Variants in ST6GALNAC3 observed in about 807,000 individuals in gnomAD.
ST6GALNAC3 encodes the protein ST6 N-acetylgalactosaminide alpha-2,6-sialyltransferase 3.
A neutral mutation model predicts 32.7 loss-of-function variants in ST6GALNAC3; 25 were observed. The ratio of observed to expected loss-of-function variants is 0.76; its 90% CI spans 0.56 to 1.07. The LOEUF is 1.07. Among genes scored for constraint, ST6GALNAC3 ranks in the 50% least tolerant of loss-of-function variants. ST6GALNAC3 has a pLI of 0.00. For synonymous variants in ST6GALNAC3, 129 were observed against 133.1 expected (o/e 0.97, Z 0.21); for missense variants, 355 against 382.4 (o/e 0.93, Z 0.60).
At chr1:76,260,025 A>G (rs1024164762) in intron 1 of ST6GALNAC3, among the ~76,000 whole-genome samples, 8 of 151,904 alleles carry the variant, frequency 5.3e-5, no homozygotes, top group African/African-American at 1.9e-4. Flanking sequence ...TGACTGAAGC[A>G]TGGAATAACT....
chr1:76,454,437 G>A (rs1657624910), intron 3 of ST6GALNAC3, among the ~76,000 whole-genome samples: 1 of 152,106 alleles, frequency 6.6e-6, no homozygotes, highest in African/African-American at 2.4e-5. Flanking sequence ...TTTGTTTCAA[G>A]ATTTGGAGCT....
intron 2 of ST6GALNAC3, among the ~76,000 whole-genome samples, chr1:76,345,338 C>T (rs1201067476): frequency 2.6e-5 from 4 of 151,958 alleles, no homozygotes; most frequent in African/African-American, 7.3e-5. Context: ...GAAATCAAGG[C>T]TGCAGAAGAG....
chr1:76,283,811 A>G (rs1659628881), intron 1 of ST6GALNAC3, among the ~76,000 whole-genome samples: 1 of 152,186 alleles, frequency 6.6e-6, no homozygotes, highest in Non-Finnish European at 1.5e-5. Context: ...GTGCCCCTCA[A>G]GTTGAACCTC....
intron 3 of ST6GALNAC3, among the ~76,000 whole-genome samples, chr1:76,468,128 C>A (rs1410508343): frequency 1.3e-5 from 2 of 151,814 alleles, no homozygotes; most frequent in African/African-American, 4.8e-5. Context: ...CATCCCCCTA[C>A]CTTTCAATTC....
chr1:76,453,609 T>G (rs926658771), intron 3 of ST6GALNAC3, among the ~76,000 whole-genome samples: 9 of 152,182 alleles, frequency 5.9e-5, no homozygotes, highest in African/African-American at 2.2e-4. Flanking sequence ...TTCGAGTTGA[T>G]TTCCAGTTTT....
At chr1:76,440,851 G>A (rs1395037392) in intron 3 of ST6GALNAC3, among the ~76,000 whole-genome samples, 5 of 152,080 alleles carry the variant, frequency 3.3e-5, no homozygotes, top group South Asian at 2.1e-4. Flanking sequence ...ATTTTGGGAG[G>A]CCAAGGTGTG....
rs532554817 is a variant in ST6GALNAC3, at chr1:76,435,247, G to A, written c.623+22830G>A. On this transcript the variant is annotated intron_variant, in intron 3 of 4. Coordinates refer to ENST00000328299, the MANE Select transcript of ST6GALNAC3 (RefSeq NM_152996.4). ...ATATTTTAAAATATACAACAAAGAG[G>A]TGACTATGGAATCTAAAATCAATTT... Among the ~76,000 whole-genome samples, 4 of 152,198 alleles carry A rather than the reference G, an allele frequency of 2.6e-5. No individual in the cohort carries two copies. In the East Asian group the frequency reaches 7.8e-4, roughly 30 times the overall value.
At chr1:76,411,903 C>A in intron 2 of ST6GALNAC3, 105 bp from the exon 3 acceptor site, 1 of 1,243,042 alleles carries the variant, frequency 8.0e-7, no homozygotes, top group Non-Finnish European at 1.1e-6. Context: ...AGAGATATTT[C>A]CATATTTGGT....
chr1:76,277,753 A>G (rs1659254947), intron 1 of ST6GALNAC3, among the ~76,000 whole-genome samples: 4 of 152,088 alleles, frequency 2.6e-5, no homozygotes, highest in Admixed American at 2.6e-4. Flanking sequence ...TCTCAGCATC[A>G]TTTACGTTTC....
chr1:76,265,667 T>A (rs1369601819), intron 1 of ST6GALNAC3, among the ~76,000 whole-genome samples: 2 of 152,240 alleles, frequency 1.3e-5, no homozygotes, highest in African/African-American at 4.8e-5. Flanking sequence ...ATTGACTGCG[T>A]AACCTTGTTT....
At chr1:76,326,373 A>G (rs979306868) in intron 2 of ST6GALNAC3, among the ~76,000 whole-genome samples, 4 of 152,186 alleles carry the variant, frequency 2.6e-5, no homozygotes, top group Non-Finnish European at 4.4e-5. Context: ...GTCAAGTTAC[A>G]TGGGCAAGTC....
chr1:76,449,984 C>A (rs892975025), intron 3 of ST6GALNAC3, among the ~76,000 whole-genome samples: 5 of 152,124 alleles, frequency 3.3e-5, no homozygotes, highest in Admixed American at 1.3e-4. Context: ...GATTGATGGG[C>A]ATTTGGGCAG....
intron 3 of ST6GALNAC3, among the ~76,000 whole-genome samples, chr1:76,492,907 T>A (rs1460125610): frequency 6.6e-6 from 1 of 152,116 alleles, no homozygotes; most frequent in Non-Finnish European, 1.5e-5. Flanking sequence ...AGTAAAGAGG[T>A]CATCTTCTGG....
intron 1 of ST6GALNAC3, among the ~76,000 whole-genome samples, chr1:76,242,619 C>T (rs181403351): frequency 6.2e-4 from 95 of 152,182 alleles, no homozygotes; most frequent in African/African-American, 2.2e-3. Flanking sequence ...CCTCACCCTG[C>T]AACAGGCCCT....
In ST6GALNAC3 at chr1:76,629,834, G is replaced by A. The variant is rs1217869326; in HGVS notation, c.*1028G>A. 2.0e-6 allele frequency: 2 copies of A among 979,634 alleles called. No homozygotes were observed. The highest frequency in any genetic ancestry group is 2.3e-4 in the East Asian group (2 of 8,792). 60.7% of individuals were successfully genotyped at this position (979,634 alleles called of 1,614,324 possible). On this transcript the variant is annotated 3_prime_UTR_variant, in exon 5 of 5. Coordinates refer to ENST00000328299, the MANE Select transcript of ST6GALNAC3 (RefSeq NM_152996.4). ...AATTTCTATTTTATAGGCCCAAGGT[G>A]TGTTTCTCCAAACATTACATTCTCA...
intron 3 of ST6GALNAC3, among the ~76,000 whole-genome samples, chr1:76,601,176 C>A (rs761312815): frequency 3.3e-5 from 5 of 151,508 alleles, no homozygotes; most frequent in Non-Finnish European, 7.4e-5. Context: ...CCAGTCAGGG[C>A]TATAGAGCAA....
At chr1:76,297,796 T>C (rs776065170) in intron 1 of ST6GALNAC3, among the ~76,000 whole-genome samples, 15 of 152,056 alleles carry the variant, frequency 9.9e-5, no homozygotes, top group Admixed American at 1.3e-4. Context: ...TATACAGATA[T>C]ATAATTTGTA....
chr1:76,588,523 AGT>A (rs1406124555), intron 3 of ST6GALNAC3, among the ~76,000 whole-genome samples: 4 of 152,228 alleles, frequency 2.6e-5, no homozygotes, highest in Non-Finnish European at 5.9e-5. Flanking sequence ...ACTGTAAATC[AGT>A]GCGTGTGCTA....
At chr1:76,131,204 G>T (rs1037496498) in intron 1 of ST6GALNAC3, among the ~76,000 whole-genome samples, 7 of 152,204 alleles carry the variant, frequency 4.6e-5, no homozygotes, top group Non-Finnish European at 8.8e-5. Flanking sequence ...TACTTGTTGG[G>T]TGGGTCCTTG....
Sources: gnomAD v4.1 joint callset for allele counts (sites outside exome capture counted in the v4.1 genomes callset) on GRCh38, gnomAD v4.1.1 for gene constraint, MANE v1.5 for transcripts, NCBI Gene and HGNC (gene_info 2026-07-23, HGNC 2026-07-21) for gene names.